Variants in ADAMTS12 observed in about 807,000 individuals in gnomAD.
The protein encoded by ADAMTS12 is ADAM metallopeptidase with thrombospondin type 1 motif 12, also known as A disintegrin and metalloproteinase with thrombospondin motifs 12.
ADAMTS12 carries 118 observed loss-of-function variants against 167.8 expected under a neutral mutation model. The ratio of observed to expected loss-of-function variants is 0.70; its 90% CI spans 0.61 to 0.82. The LOEUF (loss-of-function observed/expected upper bound fraction) is 0.82, where lower values mean the gene tolerates loss of function less well. ADAMTS12 is among the 40% of genes least tolerant of loss of function. The pLI is 0.00. For missense variants in ADAMTS12, 1,916 were observed against 1,998.8 expected (o/e 0.96, Z 0.79); for synonymous variants, 704 against 716.9 (o/e 0.98, Z 0.29).
At position 33,561,190 on chromosome 5, in the gene ADAMTS12, G is replaced by C. The variant is rs374763347; in HGVS notation, c.3973-11C>G. On this transcript the variant is annotated splice_polypyrimidine_tract_variant and intron_variant, in intron 19 of 23. Transcript: ENST00000504830. ...ACATGTGGTGGAGCACTGTAGCAGG[G>C]AAGGAGAGAGATGACAGAGGCTGAG... 14 of 1,611,602 alleles carry C rather than the reference G, an allele frequency of 8.7e-6. No homozygotes were observed. In the African/African-American group the frequency reaches 1.6e-4, roughly 18 times the overall value.
intron 23 of ADAMTS12, among the ~76,000 whole-genome samples, chr5:33,528,005 A>C (rs1372236000): frequency 6.6e-6 from 1 of 152,148 alleles, no homozygotes. Flanking sequence ...AAAGATATGG[A>C]ACCAACCTAA....
intron 18 of ADAMTS12, among the ~76,000 whole-genome samples, chr5:33,586,889 G>A (rs1378295592): frequency 6.6e-6 from 1 of 152,146 alleles, no homozygotes; most frequent in East Asian, 1.9e-4. Flanking sequence ...ATACATCTGT[G>A]CATGAATCAG....
At chr5:33,586,151 G>A (rs1747338026) in intron 18 of ADAMTS12, among the ~76,000 whole-genome samples, 1 of 152,120 alleles carries the variant, frequency 6.6e-6, no homozygotes, top group Non-Finnish European at 1.5e-5. Flanking sequence ...TTCAAATGAT[G>A]TTGGTCTCCA....
intron 12 of ADAMTS12, among the ~76,000 whole-genome samples, chr5:33,634,339 A>C (rs1479214148): frequency 6.6e-6 from 1 of 152,078 alleles, no homozygotes; most frequent in African/African-American, 2.4e-5. Context: ...TGCAATTCTT[A>C]AACATTTTAC....
At position 33,626,764 on chromosome 5, in the gene ADAMTS12, A is replaced by T. The variant is rs578175617; in HGVS notation, c.2023-2413T>A. On this transcript the variant is annotated intron_variant, in intron 13 of 23. Transcript: ENST00000504830. The stretch of plus-strand genomic sequence containing the variant: ...TGGTGGTGGTGGTGATGTGGTAGTG[A>T]TGGTGATGATTTGATGATGGTGGTG... Among the ~76,000 whole-genome samples, 25 of 113,016 alleles carry T rather than the reference A, an allele frequency of 2.2e-4. No homozygotes were observed. In the East Asian group the frequency reaches 7.8e-3, roughly 35 times the overall value. The allele number at this position is 113,016 out of a possible 152,430, so 74.1% of individuals were successfully genotyped here.
At chr5:33,534,515 T>G (rs540555792) in intron 23 of ADAMTS12, among the ~76,000 whole-genome samples, 1 of 152,112 alleles carries the variant, frequency 6.6e-6, no homozygotes, top group Admixed American at 6.5e-5. Context: ...TCTCAAGACA[T>G]CTTTGAAAGC....
At chr5:33,748,769 T>C (rs557802286) in intron 3 of ADAMTS12, among the ~76,000 whole-genome samples, 13 of 152,320 alleles carry the variant, frequency 8.5e-5, no homozygotes, top group African/African-American at 3.1e-4. Context: ...AAATGTACTT[T>C]AATGTTGGTT....
At chr5:33,587,907 G>A (rs1043100763) in intron 18 of ADAMTS12, among the ~76,000 whole-genome samples, 1 of 152,214 alleles carries the variant, frequency 6.6e-6, no homozygotes, top group Non-Finnish European at 1.5e-5. Flanking sequence ...TGAGGCCCTT[G>A]GAGACTTTGG....
chr5:33,880,647 T>C (rs1750397105), intron 2 of ADAMTS12, among the ~76,000 whole-genome samples: 1 of 152,278 alleles, frequency 6.6e-6, no homozygotes, highest in African/African-American at 2.4e-5. Flanking sequence ...AGGGATCAAC[T>C]GACTGCCCGA....
At position 33,535,939 on chromosome 5, in the gene ADAMTS12, C is replaced by A. The variant is rs532308642; in HGVS notation, c.4447-947G>T. On this transcript the variant is annotated intron_variant, in intron 22 of 23. Coordinates refer to ENST00000504830, the MANE Select transcript of ADAMTS12 (RefSeq NM_030955.4). ...GCTCTGTGCCTAGCTGGACCAGGTC[C>A]TCTCAAGCCATTCTAATGATATGGT... 6.6e-5 allele frequency among the ~76,000 whole-genome samples: 10 copies of A among 152,198 alleles called. No homozygotes were observed. The East Asian group carries it at 1.9e-3, about 29-fold the overall frequency.
intron 22 of ADAMTS12, among the ~76,000 whole-genome samples, chr5:33,535,874 G>C (rs1202689597): frequency 6.6e-6 from 1 of 152,112 alleles, no homozygotes; most frequent in Non-Finnish European, 1.5e-5. Context: ...ACAGGGCTGA[G>C]CATGGAAGCT....
intron 16 of ADAMTS12, among the ~76,000 whole-genome samples, chr5:33,602,977 C>T (rs940813292): frequency 6.6e-6 from 1 of 152,148 alleles, no homozygotes. Flanking sequence ...AATGACTTAA[C>T]TCCAGAGAGA....
chr5:33,620,294 A>G (rs1739251825), intron 14 of ADAMTS12, among the ~76,000 whole-genome samples: 1 of 152,232 alleles, frequency 6.6e-6, no homozygotes, highest in Admixed American at 6.5e-5. Flanking sequence ...CATTTCCAGC[A>G]TCACTAGTGG....
chr5:33,660,078 C>T (rs1208718549), intron 6 of ADAMTS12, among the ~76,000 whole-genome samples: 2 of 152,106 alleles, frequency 1.3e-5, no homozygotes, highest in African/African-American at 4.8e-5. Context: ...GAATCATCAG[C>T]CCCAAATGTT....
intron 3 of ADAMTS12, among the ~76,000 whole-genome samples, chr5:33,715,432 GTTTT>G (rs1222027934): frequency 6.6e-6 from 1 of 151,900 alleles, no homozygotes; most frequent in Non-Finnish European, 1.5e-5. Context: ...ATGGAAATAA[GTTTT>G]TTCTTAATTT....
At chr5:33,691,743 T>A (rs1742554551) in intron 3 of ADAMTS12, among the ~76,000 whole-genome samples, 1 of 152,232 alleles carries the variant, frequency 6.6e-6, no homozygotes, top group Admixed American at 6.5e-5. Context: ...TGGAACTCCG[T>A]GTCTACCTCC....
At chr5:33,882,432 C>T (rs144092613) in intron 1 of ADAMTS12, among the ~76,000 whole-genome samples, 317 of 152,238 alleles carry the variant, frequency 2.1e-3, no homozygotes, top group African/African-American at 7.2e-3. Context: ...TTGATCCTTC[C>T]CCACACAAGA....
intron 20 of ADAMTS12, among the ~76,000 whole-genome samples, chr5:33,552,475 T>A (rs2111845518): frequency 6.6e-6 from 1 of 152,382 alleles, no homozygotes; most frequent in South Asian, 2.1e-4. Context: ...TGCTCTGTTT[T>A]GATTTCAGAA....
At chr5:33,535,913 A>C (rs1744379265) in intron 22 of ADAMTS12, among the ~76,000 whole-genome samples, 1 of 152,078 alleles carries the variant, frequency 6.6e-6, no homozygotes, top group African/African-American at 2.4e-5. Flanking sequence ...CAGCGGACCC[A>C]GCTCTGTGCC....
Sources: gnomAD v4.1 joint callset for allele counts (sites outside exome capture counted in the v4.1 genomes callset) on GRCh38, gnomAD v4.1.1 for gene constraint, MANE v1.5 for transcripts, NCBI Gene and HGNC (gene_info 2026-07-23, HGNC 2026-07-21) for gene names.